IFT74: variants seen among roughly 807,000 people sequenced by gnomAD.
The protein encoded by IFT74 is intraflagellar transport protein 74 homolog.
Under a neutral mutation model 96.7 loss-of-function variants are expected in IFT74, and 92 were observed. That is an observed-to-expected ratio of 0.95 (90% CI 0.80 to 1.13). The LOEUF (loss-of-function observed/expected upper bound fraction) is 1.13, where lower values mean the gene tolerates loss of function less well. IFT74 is among the 50% of genes most tolerant of loss of function. The pLI is 0.00. For missense variants in IFT74, 811 were observed against 698.2 expected (o/e 1.16, Z -1.82); for synonymous variants, 223 against 213.2 (o/e 1.05, Z -0.40).
chr9:26,955,120 C>G (rs979919685), upstream of IFT74, among the ~76,000 whole-genome samples: 2 of 152,124 alleles, frequency 1.3e-5, no homozygotes, highest in African/African-American at 4.8e-5. Context: ...GTGCAAGGAA[C>G]AGAAATCATC....
At chr9:26,963,470 A>C (rs1826461031) in intron 2 of IFT74, among the ~76,000 whole-genome samples, 1 of 150,388 alleles carries the variant, frequency 6.6e-6, no homozygotes. Context: ...TTGGGTATAT[A>C]CCCAGTAATG....
chr9:27,008,552 G>A (rs573555808), intron 8 of IFT74, among the ~76,000 whole-genome samples: 4 of 152,140 alleles, frequency 2.6e-5, no homozygotes, highest in South Asian at 4.2e-4. Context: ...AGAGATGGGT[G>A]TTTTGTCGTG....
At chr9:27,026,130 A>G (rs1446366336) in intron 12 of IFT74, among the ~76,000 whole-genome samples, 1 of 152,228 alleles carries the variant, frequency 6.6e-6, no homozygotes, top group Non-Finnish European at 1.5e-5. Flanking sequence ...CTTAAGGTAA[A>G]AGGGTGGAAA....
intron 12 of IFT74, among the ~76,000 whole-genome samples, chr9:27,022,316 G>A (rs1291726409): frequency 1.3e-5 from 2 of 152,080 alleles, no homozygotes; most frequent in Non-Finnish European, 2.9e-5. Context: ...GGCTATGCAG[G>A]CTCGCTTTGG....
At chr9:26,960,229 G>A (rs1030579777) in intron 1 of IFT74, among the ~76,000 whole-genome samples, 1 of 151,422 alleles carries the variant, frequency 6.6e-6, no homozygotes, top group African/African-American at 2.4e-5. Flanking sequence ...TTAATTTTCA[G>A]TCTCTCATAC....
chr9:26,963,137 T>C (rs1271921320), intron 2 of IFT74, among the ~76,000 whole-genome samples: 1 of 151,672 alleles, frequency 6.6e-6, no homozygotes, highest in African/African-American at 2.4e-5. Flanking sequence ...GTCCCCAGAG[T>C]GTGATATTCC....
chr9:27,018,514 TAAAAA>T, intron 11 of IFT74, 128 bp from the exon 12 acceptor site: 2 of 454,894 alleles, frequency 4.4e-6, no homozygotes, highest in South Asian at 5.1e-5. Context: ...GGTTGAAATC[TAAAAA>T]ATAGATTTCA....
At chr9:27,005,066 G>A (rs78760192) in intron 8 of IFT74, among the ~76,000 whole-genome samples, 9,930 of 152,130 alleles carry the variant, frequency 0.065, 425 homozygotes, top group African/African-American at 0.12. Flanking sequence ...AGAATTCAAT[G>A]TATTTAGAGA....
chr9:26,983,866 C>G (rs1473189927), intron 4 of IFT74: 1 of 151,760 alleles, frequency 6.6e-6, no homozygotes, highest in Non-Finnish European at 1.4e-5. Context: ...TCACTACAGT[C>G]TCCACCTCCC....
At chr9:27,014,111 A>G (rs1829235285) in intron 10 of IFT74, among the ~76,000 whole-genome samples, 1 of 152,084 alleles carries the variant, frequency 6.6e-6, no homozygotes, top group South Asian at 2.1e-4. Flanking sequence ...GCTGCTCGGG[A>G]GGCTGAGGCA....
chr9:26,984,438 T>G, intron 5 of IFT74, 61 bp from the exon 6 acceptor site: 1 of 1,584,916 alleles, frequency 6.3e-7, no homozygotes, highest in Non-Finnish European at 8.6e-7. Flanking sequence ...TTTGTAATGT[T>G]CATTTTCTTA....
chr9:26,984,727 T>G (rs1461222650), intron 6 of IFT74, among the ~76,000 whole-genome samples, 168 bp downstream of exon 6: 3 of 152,038 alleles, frequency 2.0e-5, no homozygotes, highest in Non-Finnish European at 4.4e-5. Context: ...TGATGATGAT[T>G]AGGGAAATGC....
chr9:27,045,377 C>T (rs181160707), intron 14 of IFT74, among the ~76,000 whole-genome samples: 1 of 152,302 alleles, frequency 6.6e-6, no homozygotes, highest in East Asian at 1.9e-4. Context: ...TGGTTGGGGA[C>T]TGCTGCTATA....
chr9:26,990,051 T>C, intron 7 of IFT74, 83 bp from the exon 8 acceptor site: 1 of 673,152 alleles, frequency 1.5e-6, no homozygotes, highest in Non-Finnish European at 2.4e-6. Context: ...ATTTCTCATT[T>C]AGTTCCTAGC....
chr9:26,964,620 G>A (rs1020769316), intron 2 of IFT74, among the ~76,000 whole-genome samples: 6 of 151,874 alleles, frequency 4.0e-5, no homozygotes, highest in Admixed American at 2.0e-4. Context: ...TCCATTTGTT[G>A]TAAACTTTAC....
chr9:27,021,343 A>T (rs1312670520), intron 12 of IFT74, among the ~76,000 whole-genome samples: 1 of 152,138 alleles, frequency 6.6e-6, no homozygotes, highest in African/African-American at 2.4e-5. Flanking sequence ...CTCTGGATAG[A>T]TACCTCGTAG....
chr9:26,980,941 T>G (rs1268130911), intron 4 of IFT74, among the ~76,000 whole-genome samples: 1 of 152,176 alleles, frequency 6.6e-6, no homozygotes, highest in Non-Finnish European at 1.5e-5. Context: ...GGAATTTATT[T>G]CTTACTGTTC....
intron 13 of IFT74, among the ~76,000 whole-genome samples, chr9:27,038,152 C>T (rs1407485122): frequency 6.6e-6 from 1 of 152,160 alleles, no homozygotes; most frequent in East Asian, 1.9e-4. Flanking sequence ...CTGTAGATGC[C>T]CCAAAGCCCA....
chr9:27,001,058 T>C (rs1828457562), intron 8 of IFT74, among the ~76,000 whole-genome samples: 1 of 152,196 alleles, frequency 6.6e-6, no homozygotes, highest in African/African-American at 2.4e-5. Flanking sequence ...TGTGTGATAT[T>C]TGTCTTTCTG....
Sources: gnomAD v4.1 joint callset for allele counts (sites outside exome capture counted in the v4.1 genomes callset) on GRCh38, gnomAD v4.1.1 for gene constraint, MANE v1.5 for transcripts, NCBI Gene and HGNC (gene_info 2026-07-23, HGNC 2026-07-21) for gene names.